PRTN3: variants seen among roughly 807,000 people sequenced by gnomAD.
PRTN3 encodes the protein proteinase 3, also known as myeloblastin.
Under a neutral mutation model 20.7 loss-of-function variants are expected in PRTN3, and 22 were observed. The ratio of observed to expected loss-of-function variants is 1.06; its 90% CI spans 0.76 to 1.52. The LOEUF is 1.52. Ranked by LOEUF, PRTN3 falls within the 40% of genes most tolerant of loss-of-function variation. The pLI is 0.00. For synonymous variants in PRTN3, 173 were observed against 152.9 expected (o/e 1.13, Z -0.97); for missense variants, 378 against 359.6 (o/e 1.05, Z -0.41).
chr19:842,566 C>T (rs1285168448), intron 1 of PRTN3, among the ~76,000 whole-genome samples: 9 of 143,962 alleles, frequency 6.3e-5, no homozygotes, highest in Admixed American at 2.8e-4. Context: ...ATTACAGGTG[C>T]GAACCACCAC....
In PRTN3 at chr19:843,516, G is replaced by T; in HGVS notation, c.117G>T (p.Arg39=). Reference sequence around the variant, plus strand: ...GGCACGAGGCGCAGCCACACTCCCGGCCCTACATGGCCTCCCTGCAGATGC... The same window carrying T: ...GGCACGAGGCGCAGCCACACTCCCGTCCCTACATGGCCTCCCTGCAGATGC... ...VGGHEAQPHS[R]PYMASLQMRG... The change falls in exon 2 of 5, where the codon CGG becomes CGT. Residue 39 remains arginine, a synonymous_variant. Coordinates refer to ENST00000234347, the MANE Select transcript of PRTN3 (RefSeq NM_002777.4). The T allele has an allele frequency of 6.3e-7, 1 of 1,589,746 alleles. No individual in the cohort carries two copies.
At chr19:841,408 A>ATGAATGAGTGAATGAATGAGTGAGTGAG (rs2145122786) in intron 1 of PRTN3, among the ~76,000 whole-genome samples, 1 of 152,318 alleles carries the variant, frequency 6.6e-6, no homozygotes, top group East Asian at 1.9e-4. Context: ...GCATGAATGA[A>ATGAATGAGTGAATGAATGAGTGAGTGAG]TGAATGAGTG....
In PRTN3 at chr19:846,395, C is replaced by A; in HGVS notation, c.600+18C>A. On this transcript the variant is annotated intron_variant, in intron 4 of 4. Coordinates refer to ENST00000234347, the MANE Select transcript of PRTN3 (RefSeq NM_002777.4). ...TCTGCTTCGTAAGTAACCGTGCCCC[C>A]ACCCCGGGCACCGGGCTGCCATGAG... 2 of 1,544,858 alleles carry A rather than the reference C, an allele frequency of 1.3e-6. No individual in the cohort carries two copies. Among genetic ancestry groups the A allele is most frequent in the South Asian group, 2.4e-5 (2 of 83,326 alleles).
Position 843,456 on chromosome 19 carries a change from T to C in PRTN3, c.62-5T>C. ...CTCCCTGACGCCTGGACTCCCCCCCTGCAGGTGCTGCCCGAGCTGCGGAGA... is the reference window on the plus strand; with the variant it reads ...CTCCCTGACGCCTGGACTCCCCCCCCGCAGGTGCTGCCCGAGCTGCGGAGA... On this transcript the variant is annotated splice_polypyrimidine_tract_variant and splice_region_variant and intron_variant, in intron 1 of 4. Transcript: ENST00000234347. 6.4e-7 allele frequency: 1 copy of C among 1,555,126 alleles called. No individual in the cohort carries two copies. The highest frequency in any genetic ancestry group is 1.4e-5 in the African/African-American group (1 of 73,690).
Position 847,946 on chromosome 19 carries a change from G to A in PRTN3, c.748G>A (p.Val250Met). 1 of 1,604,230 alleles carries A rather than the reference G, an allele frequency of 6.2e-7. No individual in the cohort carries two copies. The change falls in exon 5 of 5, where the codon GTG (valine) becomes ATG (methionine). Residue 250 changes from valine (V) to methionine (M), a missense_variant. Coordinates refer to ENST00000234347, the MANE Select transcript of PRTN3 (RefSeq NM_002777.4). ...VDWIRSTLRR[V>M]EAKGRP ...CTGGATCCGTTCCACGCTGCGCCGTGTGGAGGCCAAGGGCCGCCCCTGAAC... is the reference window on the plus strand; with the variant it reads ...CTGGATCCGTTCCACGCTGCGCCGTATGGAGGCCAAGGGCCGCCCCTGAAC...
intron 1 of PRTN3, among the ~76,000 whole-genome samples, chr19:842,786 C>T (rs2035463072): frequency 6.6e-6 from 1 of 151,920 alleles, no homozygotes; most frequent in Admixed American, 6.6e-5. Context: ...CAGGGTTTCA[C>T]CATGTTGGCC....
intron 1 of PRTN3, 145 bp downstream of exon 1, chr19:841,214 G>GA: frequency 8.9e-7 from 1 of 1,122,742 alleles, no homozygotes; most frequent in South Asian, 1.5e-5. Context: ...CACTGCTCGG[G>GA]ACCAACGCTT....
In PRTN3 at chr19:841,948, C is replaced by T. The variant is rs367545504; in HGVS notation, c.61+879C>T. Among the ~76,000 whole-genome samples the T allele has an allele frequency of 4.0e-4, 60 of 151,834 alleles. 1 individual carries two copies. The East Asian group carries it at 0.011, about 27-fold the overall frequency. ...TTCAAGGTGTTAGCCAGGATGGTCT[C>T]GATCTCCTGACTTCGTGATCCGCCT... On this transcript the variant is annotated intron_variant, in intron 1 of 4. Transcript: ENST00000234347.
At chr19:847,545 A>C (rs1568300989) in intron 4 of PRTN3, among the ~76,000 whole-genome samples, 2 of 134,732 alleles carry the variant, frequency 1.5e-5, no homozygotes, top group Admixed American at 7.1e-5. Context: ...GAAAGAAAGA[A>C]AGAAAAAGAA....
chr19:843,971 G>T lies in PRTN3; in HGVS notation c.306G>T (p.Val102=). ...TQEPTQQHFS[V]AQVFLNNYDA... The stretch of plus-strand genomic sequence containing the variant: ...AGCCCACCCAGCAGCACTTCTCGGT[G>T]GCTCAGGTGTTTCTGAACAACTACG... The change falls in exon 3 of 5, where the codon GTG becomes GTT. Residue 102 remains valine (V), a synonymous_variant. Transcript: ENST00000234347. 2 of 1,604,878 alleles carry T rather than the reference G, an allele frequency of 1.2e-6. No individual in the cohort carries two copies. Among genetic ancestry groups the T allele is most frequent in the Non-Finnish European group, 1.7e-6 (2 of 1,176,348 alleles).
chr19:841,197 C>G, intron 1 of PRTN3, 128 bp downstream of exon 1: 2 of 1,236,186 alleles, frequency 1.6e-6, no homozygotes, highest in Non-Finnish European at 2.3e-6. Flanking sequence ...TCAGGGGAGA[C>G]TCCACTCACT....
chr19:841,192 G>A (rs1295090949), intron 1 of PRTN3, 123 bp downstream of exon 1: 6 of 1,304,940 alleles, frequency 4.6e-6, no homozygotes, highest in Non-Finnish European at 5.3e-6. Flanking sequence ...CAGGGTCAGG[G>A]GAGACTCCAC....
At chr19:843,748 C>CA in intron 2 of PRTN3, 122 bp downstream of exon 2, 1 of 1,450,908 alleles carries the variant, frequency 6.9e-7, no homozygotes, top group South Asian at 1.4e-5. Flanking sequence ...CCCCAGGCCC[C>CA]GCGCGCGTGG....
intron 1 of PRTN3, among the ~76,000 whole-genome samples, chr19:842,340 C>CT (rs1043845211): frequency 2.9e-4 from 30 of 104,084 alleles, no homozygotes; most frequent in East Asian, 1.2e-3. Context: ...TTTTTTGCTT[C>CT]TTTTTTTTTA....
intron 1 of PRTN3, among the ~76,000 whole-genome samples, chr19:842,545 A>G (rs1290826614): frequency 7.5e-6 from 1 of 133,326 alleles, no homozygotes; most frequent in East Asian, 2.2e-4. Context: ...TCAGCCTCCC[A>G]GGCAGCTGAG....
rs1277838385 is a variant in PRTN3 at position 841,030 on chromosome 19, C to T, written c.22C>T (p.Pro8Ser). MAHRPPS[P>S]ALASVLLALL... ...CACCATGGCTCACCGGCCCCCCAGC[C>T]CTGCCCTGGCGTCCGTGCTGCTGGC... is the stretch of plus-strand genomic sequence containing the variant. The change falls in exon 1 of 5, where the codon CCT becomes TCT. Residue 8 changes from proline to serine, a missense_variant. By Grantham distance (74) the Pro-to-Ser change is moderately conservative. Transcript: ENST00000234347. 2 of 1,608,906 alleles carry T rather than the reference C, an allele frequency of 1.2e-6. No individual in the cohort carries two copies. Among genetic ancestry groups the T allele is most frequent in the South Asian group, 2.2e-5 (2 of 90,898 alleles).
Position 846,017 on chromosome 19 carries a change from G to A in PRTN3, c.370-130G>A, listed in dbSNP as rs1274782165. The A allele has an allele frequency of 6.8e-6, 4 of 584,524 alleles. No homozygotes were observed. In the African/African-American group the frequency reaches 7.8e-5, roughly 11 times the overall value. 36.2% of individuals were successfully genotyped at this position (584,524 alleles called of 1,614,324 possible). A position where few individuals can be genotyped will look rare whatever the true frequency, so the allele number is the denominator to read the frequency against. On this transcript the variant is annotated intron_variant, in intron 3 of 4. Coordinates refer to ENST00000234347, the MANE Select transcript of PRTN3 (RefSeq NM_002777.4). ...ACAAATGGGACAAAGGGGGTCGTGG[G>A]GCCCAGGCGGAGGGAGCGGCATCCG...
chr19:846,057 G>A, intron 3 of PRTN3, 90 bp from the exon 4 acceptor site: 1 of 941,840 alleles, frequency 1.1e-6, no homozygotes, highest in South Asian at 2.0e-5. Context: ...GTTTTGAGGT[G>A]GTGGGTGTGG....
In PRTN3 at chr19:843,011, C is replaced by T. The variant is rs552702773; in HGVS notation, c.62-450C>T. ...TTCACTGCAGCCTTGACCTCCTGGG[C>T]TCAAGCGATCCTCCCTCCTCAGCCT... On this transcript the variant is annotated intron_variant, in intron 1 of 4. Transcript: ENST00000234347. 2.8e-4 allele frequency among the ~76,000 whole-genome samples: 43 copies of T among 152,144 alleles called. 1 individual carries two copies. In the South Asian group the frequency reaches 7.5e-3, roughly 26 times the overall value.
Sources: gnomAD v4.1 joint callset for allele counts (sites outside exome capture counted in the v4.1 genomes callset) on GRCh38, gnomAD v4.1.1 for gene constraint, MANE v1.5 for transcripts, NCBI Gene and HGNC (gene_info 2026-07-23, HGNC 2026-07-21) for gene names.